SPAG16: variants seen among roughly 807,000 people sequenced by gnomAD.
The protein encoded by SPAG16 is sperm-associated antigen 16 protein.
In SPAG16, 86 loss-of-function variants were observed where a neutral mutation model predicts 80.4. The ratio of observed to expected loss-of-function variants is 1.07; its 90% CI spans 0.90 to 1.28. The LOEUF is 1.28. Among genes scored for constraint, SPAG16 ranks in the 50% most tolerant of loss-of-function variants. The pLI, the probability that SPAG16 is intolerant of heterozygous loss-of-function variation, is 0.00. For synonymous variants in SPAG16, 294 were observed against 265.9 expected, an observed-to-expected ratio of 1.11 and a Z score of -1.03; for missense variants, 870 against 765.3, an observed-to-expected ratio of 1.14 and a Z score of -1.61.
chr2:213,926,910 G>A (rs957012628), intron 11 of SPAG16, among the ~76,000 whole-genome samples: 1 of 152,168 alleles, frequency 6.6e-6, no homozygotes, highest in Non-Finnish European at 1.5e-5. Flanking sequence ...TATACCAACA[G>A]CGTGGATCTA....
intron 10 of SPAG16, among the ~76,000 whole-genome samples, chr2:213,686,634 C>T (rs185935904): frequency 1.7e-3 from 241 of 139,766 alleles, no homozygotes; most frequent in African/African-American, 5.6e-3. Context: ...AGTTCACTTA[C>T]ATTTAATGTG....
intron 11 of SPAG16, among the ~76,000 whole-genome samples, chr2:213,902,298 G>T (rs186255579): frequency 6.6e-5 from 10 of 152,114 alleles, no homozygotes; most frequent in African/African-American, 2.4e-4. Context: ...GTACATTTAT[G>T]TATTAGTCTG....
chr2:213,540,240 C>T (rs918327878), intron 10 of SPAG16, among the ~76,000 whole-genome samples: 1 of 151,500 alleles, frequency 6.6e-6, no homozygotes, highest in Non-Finnish European at 1.5e-5. Context: ...TTAGTAGAGA[C>T]GGGGTTTCAC....
intron 9 of SPAG16, among the ~76,000 whole-genome samples, chr2:213,452,652 G>A (rs2071770089): frequency 6.6e-6 from 1 of 152,158 alleles, no homozygotes; most frequent in African/African-American, 2.4e-5. Context: ...TTGAGATGAG[G>A]ACAATAATTA....
chr2:214,140,630 T>C (rs2055303312), intron 14 of SPAG16, among the ~76,000 whole-genome samples: 1 of 152,092 alleles, frequency 6.6e-6, no homozygotes, highest in Admixed American at 6.5e-5. Flanking sequence ...TGTCTTTACA[T>C]ATAAATTTAT....
chr2:213,291,841 A>G (rs2062286405), intron 1 of SPAG16, among the ~76,000 whole-genome samples: 1 of 152,142 alleles, frequency 6.6e-6, no homozygotes, highest in South Asian at 2.1e-4. Flanking sequence ...TTCATTTTTA[A>G]TTTAGAGATG....
chr2:213,327,692 T>G (rs1353636547), intron 5 of SPAG16, among the ~76,000 whole-genome samples: 3 of 152,252 alleles, frequency 2.0e-5, no homozygotes, highest in South Asian at 2.1e-4. Flanking sequence ...GTTCACAAAA[T>G]TTTAAATTCA....
intron 4 of SPAG16, among the ~76,000 whole-genome samples, chr2:213,311,963 T>C (rs1192585210): frequency 6.6e-6 from 1 of 151,446 alleles, no homozygotes; most frequent in Non-Finnish European, 1.5e-5. Flanking sequence ...CTTTCACTCC[T>C]CAAGCAGAAA....
intron 10 of SPAG16, among the ~76,000 whole-genome samples, chr2:213,716,439 G>C (rs1486802174): frequency 6.6e-6 from 1 of 152,164 alleles, no homozygotes; most frequent in East Asian, 1.9e-4. Flanking sequence ...TCAGAATTTG[G>C]ATTTAAGAAG....
intron 10 of SPAG16, among the ~76,000 whole-genome samples, chr2:213,654,577 T>C (rs1287376944): frequency 7.9e-6 from 1 of 126,084 alleles, no homozygotes; most frequent in Admixed American, 8.5e-5. Context: ...ATTAGCCGGG[T>C]GTGGTGGTGG....
intron 5 of SPAG16, among the ~76,000 whole-genome samples, chr2:213,321,098 A>T (rs186355927): frequency 1.3e-5 from 2 of 152,220 alleles, no homozygotes; most frequent in East Asian, 1.9e-4. Context: ...ATAGAATAGG[A>T]TATTTCTTAA....
At chr2:214,223,720 T>A (rs2058636578) in intron 15 of SPAG16, among the ~76,000 whole-genome samples, 1 of 152,168 alleles carries the variant, frequency 6.6e-6, no homozygotes, top group Non-Finnish European at 1.5e-5. Context: ...CAAAGTTTAA[T>A]GATATACTGT....
intron 10 of SPAG16, among the ~76,000 whole-genome samples, chr2:213,822,060 A>G (rs953748354): frequency 6.6e-6 from 1 of 152,174 alleles, no homozygotes; most frequent in Non-Finnish European, 1.5e-5. Context: ...TTTTGGGTAT[A>G]TCCCTAGTAG....
In SPAG16 at chr2:213,574,073, T is replaced by C. The variant is rs540914239; in HGVS notation, c.1070+83983T>C. Among the ~76,000 whole-genome samples, 6 of 152,260 alleles carry C rather than the reference T, an allele frequency of 3.9e-5. No homozygotes were observed. In the South Asian group the frequency reaches 1.2e-3, roughly 32 times the overall value. ...TTGAGAAAAAAAGAAATAAATAACT[T>C]TATGTTTTGATATGTTTATTTTTAT... On this transcript the variant is annotated intron_variant, in intron 10 of 15. Coordinates refer to ENST00000331683, the MANE Select transcript of SPAG16 (RefSeq NM_024532.5).
rs79762062 is a variant in SPAG16, at chr2:214,261,939, A to G, written c.1720+112673A>G. ...AGACCTAATGCTGAATTATTAGACA[A>G]ACATCTCTGTAAATACAAGATTGGT... On this transcript the variant is annotated intron_variant, in intron 15 of 15. Transcript: ENST00000331683. Among the ~76,000 whole-genome samples the G allele has an allele frequency of 5.3e-3, 800 of 152,284 alleles. 6 individuals carry two copies. The highest frequency in any genetic ancestry group is 0.018 in the African/African-American group (757 of 41,578).
intron 9 of SPAG16, among the ~76,000 whole-genome samples, chr2:213,403,292 A>C (rs1053158107): frequency 1.3e-5 from 2 of 151,688 alleles, no homozygotes; most frequent in African/African-American, 4.9e-5. Context: ...TTTTCTTGTA[A>C]ATTTGTTTGA....
At chr2:213,623,338 T>C (rs538205005) in intron 10 of SPAG16, among the ~76,000 whole-genome samples, 3 of 152,294 alleles carry the variant, frequency 2.0e-5, no homozygotes, top group South Asian at 2.1e-4. Context: ...TTATGTTTTT[T>C]TCCTGAACTA....
chr2:214,383,931 C>A (rs1449854774), intron 15 of SPAG16, among the ~76,000 whole-genome samples: 5 of 148,982 alleles, frequency 3.4e-5, no homozygotes, highest in Non-Finnish European at 7.5e-5. Context: ...ACCTTTAAAT[C>A]TCTGTTGATA....
intron 9 of SPAG16, among the ~76,000 whole-genome samples, chr2:213,428,665 G>A (rs2070098331): frequency 6.6e-6 from 1 of 152,192 alleles, no homozygotes; most frequent in African/African-American, 2.4e-5. Context: ...GAGAGGCATG[G>A]TTTTGTCCCG....
Sources: allele counts gnomAD v4.1 joint callset (sites outside exome capture counted in the v4.1 genomes callset), GRCh38; gene constraint gnomAD v4.1.1; transcripts MANE v1.5; gene names NCBI Gene and HGNC (gene_info 2026-07-23, HGNC 2026-07-21).